Variants in TNRC6B observed in about 807,000 individuals in gnomAD.
The protein encoded by TNRC6B is trinucleotide repeat-containing gene 6B protein.
TNRC6B carries 52 observed loss-of-function variants against 203.6 expected under a neutral mutation model. The observed-to-expected ratio is 0.26, with a 90% CI of 0.20 to 0.32. TNRC6B has a LOEUF of 0.32. Ranked by LOEUF, TNRC6B falls within the 10% of genes least tolerant of loss-of-function variation. TNRC6B has a pLI of 1.00. For synonymous variants in TNRC6B, 838 were observed against 845.7 expected, an observed-to-expected ratio of 0.99 and a Z score of 0.16; for missense variants, 1,923 against 2,286.2, an observed-to-expected ratio of 0.84 and a Z score of 3.24.
chr22:40,081,141 G>A (rs763199899), intron 1 of TNRC6B, among the ~76,000 whole-genome samples: 1 of 152,088 alleles, frequency 6.6e-6, no homozygotes, highest in South Asian at 2.1e-4. Flanking sequence ...GATTACAGGC[G>A]TGAGCCACCA....
chr22:40,206,215 A>G (rs982200852), intron 1 of TNRC6B, among the ~76,000 whole-genome samples: 8 of 152,172 alleles, frequency 5.3e-5, no homozygotes, highest in African/African-American at 1.2e-4. Flanking sequence ...TGATTTCTGT[A>G]TGAGATGCTC....
At chr22:40,168,856 TCC>T (rs1474953795) in intron 4 of TNRC6B, among the ~76,000 whole-genome samples, 1 of 152,176 alleles carries the variant, frequency 6.6e-6, no homozygotes, top group East Asian at 1.9e-4. Flanking sequence ...TCTCACCTCC[TCC>T]CCTGTGAAAT....
chr22:40,173,285 C>T (rs550565107), upstream of TNRC6B, among the ~76,000 whole-genome samples: 270 of 151,964 alleles, frequency 1.8e-3, 2 homozygotes, highest in Middle Eastern at 0.024. Flanking sequence ...GTAGTAGAGA[C>T]GGGGTTTCAC....
chr22:40,117,115 A>G (rs2068394472), exon 2 of TNRC6B: 1 of 152,624 alleles, frequency 6.6e-6, no homozygotes, highest in Non-Finnish European at 1.5e-5. Flanking sequence ...GTGTTGCCCC[A>G]GGTACTGTCA....
Position 40,308,528 on chromosome 22 carries a change from C to T in TNRC6B, c.4137C>T (p.Gly1379=). Reference sequence around the variant, plus strand: ...CCTTTTTAGGCTTCAGCTCTGGCGGCATGGACTATGGCATGGTTGGTGGGA... The same window carrying T: ...CCTTTTTAGGCTTCAGCTCTGGCGGTATGGACTATGGCATGGTTGGTGGGA... ...PGYGSGFSSG[G]MDYGMVGGKE... The change falls in exon 16 of 23, where the codon GGC becomes GGT. Residue 1379 remains glycine (G), a synonymous_variant. Coordinates refer to ENST00000454349, the MANE Select transcript of TNRC6B (RefSeq NM_001162501.2). The T allele has an allele frequency of 6.2e-7, 1 of 1,613,944 alleles. No homozygotes were observed. Among genetic ancestry groups the T allele is most frequent in the Non-Finnish European group, 8.5e-7 (1 of 1,179,876 alleles).
chr22:40,127,463 T>TCA (rs762540572), intron 3 of TNRC6B, among the ~76,000 whole-genome samples: 32 of 150,702 alleles, frequency 2.1e-4, no homozygotes, highest in Admixed American at 3.3e-4. Context: ...GGAATCTCCC[T>TCA]CACACACACA....
Position 40,266,058 on chromosome 22 carries a change from C to G in TNRC6B, c.1828C>G (p.Arg610Gly). The G allele has an allele frequency of 6.2e-7, 1 of 1,613,684 alleles. No homozygotes were observed. Among genetic ancestry groups the G allele is most frequent in the Non-Finnish European group, 8.5e-7 (1 of 1,179,898 alleles). ...CQAVLQTLLSRTDLDPRVLSN... is the reference protein window; with the variant it reads ...CQAVLQTLLSGTDLDPRVLSN... ...GGCTGTCTTGCAGACTCTTTTGAGC[C>G]GAACTGATTTGGACCCCAGGGTGCT... Residue 610 changes from arginine (R) to glycine (G), a missense_variant, in exon 5 of 23, where the codon CGA becomes GGA. Coordinates refer to ENST00000454349, the MANE Select transcript of TNRC6B (RefSeq NM_001162501.2).
intron 17 of TNRC6B, among the ~76,000 whole-genome samples, chr22:40,312,046 G>T (rs2071191852): frequency 6.6e-6 from 1 of 152,154 alleles, no homozygotes; most frequent in South Asian, 2.1e-4. Context: ...GTTATCCCTG[G>T]ACATTCTGTG....
chr22:40,116,741 G>T (rs2068391168), intron 1 of TNRC6B, among the ~76,000 whole-genome samples: 1 of 152,206 alleles, frequency 6.6e-6, no homozygotes, highest in Non-Finnish European at 1.5e-5. Context: ...TGGGTAGGGG[G>T]TGATGCCCTT....
upstream of TNRC6B, among the ~76,000 whole-genome samples, chr22:40,174,968 T>C (rs1283738954): frequency 6.6e-6 from 1 of 152,158 alleles, no homozygotes; most frequent in East Asian, 1.9e-4. Context: ...GGAGAAATAA[T>C]GTATTTATTG....
At chr22:40,047,606 A>G (rs543264819) in intron 1 of TNRC6B, among the ~76,000 whole-genome samples, 100 of 152,120 alleles carry the variant, frequency 6.6e-4, no homozygotes, top group Non-Finnish European at 1.1e-3. Flanking sequence ...TCAGTCTCCA[A>G]GAAAAAAAAA....
chr22:40,306,970 A>G (rs2071094527), intron 15 of TNRC6B, among the ~76,000 whole-genome samples: 2 of 152,194 alleles, frequency 1.3e-5, no homozygotes, highest in African/African-American at 2.4e-5. Context: ...CCTGGGTGAC[A>G]GAGACTCCAT....
chr22:40,266,162 G>T lies in TNRC6B; in HGVS notation c.1932G>T (p.Gly644=). Residue 644 remains glycine, a synonymous_variant, in exon 5 of 23, where the codon GGG becomes GGT. Coordinates refer to ENST00000454349, the MANE Select transcript of TNRC6B (RefSeq NM_001162501.2). The stretch of plus-strand genomic sequence containing the variant: ...TTGAAGAGGTGCCAAGGCCTGAGGG[G>T]AAATCTGACAAAGGAACTGAGGGGT... ...WDIEEVPRPE[G]KSDKGTEGWE... 1 of 1,613,884 alleles carries T rather than the reference G, an allele frequency of 6.2e-7. No individual in the cohort carries two copies. Among genetic ancestry groups the T allele is most frequent in the African/African-American group, 1.3e-5 (1 of 75,030 alleles).
rs989508758 is a variant in TNRC6B at position 40,103,691 on chromosome 22, G to A, written c.-120-13364G>A. Among the ~76,000 whole-genome samples, 5 of 151,720 alleles carry A rather than the reference G, an allele frequency of 3.3e-5. No homozygotes were observed. In the South Asian group the frequency reaches 1.0e-3, roughly 32 times the overall value. On this transcript the variant is annotated intron_variant, in intron 1 of 23. Transcript: ENST00000301923. ...GGAGTCTCACTTTGTCACCCAGGCT[G>A]GAGTGCAGTGGCACGATCTTGGCTT... is the stretch of plus-strand genomic sequence containing the variant.
chr22:40,308,573 T>C lies in TNRC6B; in HGVS notation c.4182T>C (p.Ser1394=). 6.2e-7 allele frequency: 1 copy of C among 1,614,018 alleles called. No homozygotes were observed. Among genetic ancestry groups the C allele is most frequent in the Non-Finnish European group, 8.5e-7 (1 of 1,179,892 alleles). ...GTGGGAAGGAGGCTGGAACCGAGTC[T>C]CGCTTTAAACAGTGGACCTCCATGA... ...MVGGKEAGTE[S]RFKQWTSMME... The change falls in exon 16 of 23, where the codon TCT becomes TCC. Residue 1394 remains serine, a synonymous_variant. Coordinates refer to ENST00000454349, the MANE Select transcript of TNRC6B (RefSeq NM_001162501.2).
intron 1 of TNRC6B, among the ~76,000 whole-genome samples, chr22:40,093,649 A>C (rs1194066794): frequency 6.6e-6 from 1 of 152,256 alleles, no homozygotes; most frequent in Non-Finnish European, 1.5e-5. Flanking sequence ...AAACAAAAGC[A>C]TTTTGAAATA....
intron 4 of TNRC6B, among the ~76,000 whole-genome samples, chr22:40,159,988 A>T (rs988976212): frequency 2.6e-5 from 4 of 152,048 alleles, no homozygotes; most frequent in Non-Finnish European, 2.9e-5. Context: ...ATTAAAAAAA[A>T]TTTTTTTTGT....
intron 3 of TNRC6B, among the ~76,000 whole-genome samples, chr22:40,135,636 A>G (rs1228590755): frequency 1.3e-5 from 2 of 152,028 alleles, no homozygotes; most frequent in East Asian, 3.9e-4. Flanking sequence ...GGAATAGCTG[A>G]GACTACAGGT....
At chr22:40,060,938 A>G (rs2067844701) in intron 1 of TNRC6B, among the ~76,000 whole-genome samples, 2 of 152,166 alleles carry the variant, frequency 1.3e-5, no homozygotes, top group South Asian at 4.1e-4. Context: ...CATGGTAGGT[A>G]GAGTTTAGAC....
Sources: gnomAD v4.1 joint callset for allele counts (sites outside exome capture counted in the v4.1 genomes callset) on GRCh38, gnomAD v4.1.1 for gene constraint, MANE v1.5 for transcripts, NCBI Gene and HGNC (gene_info 2026-07-23, HGNC 2026-07-21) for gene names.